RAD21L1: variants seen among roughly 807,000 people sequenced by gnomAD.
The protein encoded by RAD21L1 is double-strand-break repair protein rad21-like protein 1.
In RAD21L1, 47 loss-of-function variants were observed where a neutral mutation model predicts 69.0. That is an observed-to-expected ratio of 0.68 (90% CI 0.54 to 0.87). The LOEUF (loss-of-function observed/expected upper bound fraction) is 0.87. Among genes scored for constraint, RAD21L1 ranks in the 40% least tolerant of loss-of-function variants. RAD21L1 has a pLI of 0.00. For missense variants in RAD21L1, 583 were observed against 647.6 expected (o/e 0.90, Z 1.08); for synonymous variants, 177 against 205.8 (o/e 0.86, Z 1.20).
chr20:1,234,689 T>C (rs1386088007), intron 5 of RAD21L1, among the ~76,000 whole-genome samples: 2 of 152,228 alleles, frequency 1.3e-5, no homozygotes. Flanking sequence ...ATATTGATTG[T>C]GAAACAGAAA....
intron 3 of RAD21L1, 25 bp from the exon 4 acceptor site, chr20:1,231,501 G>T: frequency 8.5e-7 from 1 of 1,171,116 alleles, no homozygotes; most frequent in South Asian, 1.4e-5. Flanking sequence ...GTTGCTTATT[G>T]AGTATGGTTT....
intron 3 of RAD21L1, chr20:1,231,026 T>C (rs1464397935): frequency 6.6e-6 from 1 of 152,364 alleles, no homozygotes; most frequent in Non-Finnish European, 1.5e-5. Flanking sequence ...GAAGTTCACT[T>C]TAGTTAAAAT....
rs754253158 is a variant in RAD21L1 at position 1,255,076 on chromosome 20, A to G, written c.*619A>G. On this transcript the variant is annotated 3_prime_UTR_variant, in exon 14 of 14. Transcript: ENST00000683101. The stretch of plus-strand genomic sequence containing the variant: ...ATCATACTTGATTTGACATAATGCC[A>G]TGGTTTTTAATCCAATATTTTAATT... Among the ~76,000 whole-genome samples the G allele has an allele frequency of 2.2e-4, 33 of 152,228 alleles. No individual in the cohort carries two copies. Among genetic ancestry groups the G allele is most frequent in the African/African-American group, 3.1e-4 (13 of 41,460 alleles).
intron 13 of RAD21L1, among the ~76,000 whole-genome samples, chr20:1,250,956 G>A (rs2087815648): frequency 6.6e-6 from 1 of 151,924 alleles, no homozygotes; most frequent in Admixed American, 6.6e-5. Context: ...TTTTGTCTTG[G>A]GATATTGCTT....
chr20:1,239,281 G>C (rs6109102), intron 6 of RAD21L1, 31 bp from the exon 7 acceptor site: 4 of 1,199,058 alleles, frequency 3.3e-6, no homozygotes, highest in Non-Finnish European at 4.8e-6. Flanking sequence ...ATTCCAGTCT[G>C]TATGAAAAAA....
chr20:1,243,003 A>G, intron 9 of RAD21L1, 94 bp from the exon 10 acceptor site: 8 of 954,548 alleles, frequency 8.4e-6, no homozygotes, highest in Non-Finnish European at 1.2e-5. Context: ...GTGTGTATGA[A>G]TTATAGTTTT....
intron 11 of RAD21L1, 95 bp downstream of exon 11, chr20:1,244,265 A>G: frequency 1.2e-6 from 1 of 835,496 alleles, no homozygotes; most frequent in Middle Eastern, 2.4e-4. Flanking sequence ...ACATTTGTGT[A>G]GTTCATATTT....
chr20:1,239,486 A>G (rs1004659994), intron 7 of RAD21L1, 79 bp downstream of exon 7: 3 of 730,434 alleles, frequency 4.1e-6, no homozygotes, highest in African/African-American at 1.8e-5. Flanking sequence ...TTAAGTAGCA[A>G]TATAGTATAG....
At position 1,242,660 on chromosome 20, in the gene RAD21L1, A is replaced by G. The variant is rs1255006879; in HGVS notation, c.898A>G (p.Ile300Val). The G allele has an allele frequency of 5.8e-6, 9 of 1,551,528 alleles. No individual in the cohort carries two copies. Among genetic ancestry groups the G allele is most frequent in the Non-Finnish European group, 7.0e-6 (8 of 1,146,794 alleles). The change falls in exon 9 of 14, where the codon ATA becomes GTA. Residue 300 changes from isoleucine to valine, a missense_variant. Ile to Val is a conservative substitution (Grantham distance 29, BLOSUM62 3). Coordinates refer to ENST00000683101, the MANE Select transcript of RAD21L1 (RefSeq NM_001384355.1). ...GAAAGGCAAAAAGAGGAGATTGCTCATAGATCCTATCAAGGAGCTCAGTAG... is the reference window on the plus strand; with the variant it reads ...GAAAGGCAAAAAGAGGAGATTGCTCGTAGATCCTATCAAGGAGCTCAGTAG... Reference protein sequence around the residue: ...KRKGKKRRLLIDPIKELSSKV... With the variant: ...KRKGKKRRLLVDPIKELSSKV...
At chr20:1,232,134 G>T (rs1001915709) in intron 4 of RAD21L1, among the ~76,000 whole-genome samples, 2 of 152,192 alleles carry the variant, frequency 1.3e-5, no homozygotes, top group African/African-American at 4.8e-5. Flanking sequence ...TCTAGGAAGA[G>T]CAAGTAGAAA....
At chr20:1,242,090 C>G (rs2087618785) in intron 8 of RAD21L1, among the ~76,000 whole-genome samples, 1 of 152,208 alleles carries the variant, frequency 6.6e-6, no homozygotes, top group Non-Finnish European at 1.5e-5. Context: ...TCCTCAGTTG[C>G]TCACTTAACA....
At chr20:1,226,472 G>A (rs867830861) in intron 1 of RAD21L1, 33 of 152,802 alleles carry the variant, frequency 2.2e-4, no homozygotes, top group Middle Eastern at 3.3e-3. Flanking sequence ...CCTGAGCGTG[G>A]CCGTCAGCTC....
chr20:1,244,128 G>A lies in RAD21L1; in HGVS notation c.1266G>A (p.Gln422=), dbSNP rs986837835. 6.5e-6 allele frequency: 10 copies of A among 1,549,084 alleles called. No homozygotes were observed. In the African/African-American group the frequency reaches 8.2e-5, roughly 13 times the overall value. Reference sequence around the variant, plus strand: ...GGAAGGATGTGATTGGTGGATCTCAGCATAGCTCTCATGAGGATACCAATA... The same window carrying A: ...GGAAGGATGTGATTGGTGGATCTCAACATAGCTCTCATGAGGATACCAATA... The part of the protein sequence containing the change: ...QTWKDVIGGS[Q]HSSHEDTNKN... Residue 422 remains glutamine, a synonymous_variant, in exon 11 of 14, where the codon CAG becomes CAA. Transcript: ENST00000683101.
chr20:1,241,952 T>C (rs968796684), intron 8 of RAD21L1, among the ~76,000 whole-genome samples: 1 of 152,198 alleles, frequency 6.6e-6, no homozygotes, highest in Non-Finnish European at 1.5e-5. Context: ...GCTTGGAATG[T>C]CTATGAATTT....
intron 13 of RAD21L1, among the ~76,000 whole-genome samples, chr20:1,250,476 T>C (rs73604150): frequency 6.6e-6 from 1 of 150,656 alleles, no homozygotes; most frequent in African/African-American, 2.5e-5. Context: ...TTTGTCCTTG[T>C]GATAGTTTGC....
chr20:1,228,392 A>G, intron 1 of RAD21L1, 30 bp from the exon 2 acceptor site: 5 of 1,255,950 alleles, frequency 4.0e-6, no homozygotes, highest in Non-Finnish European at 5.2e-6. Flanking sequence ...TTGTAATAAA[A>G]TTTTAAATTT....
intron 4 of RAD21L1, among the ~76,000 whole-genome samples, chr20:1,233,686 G>A (rs1434513272): frequency 1.3e-5 from 2 of 152,034 alleles, no homozygotes; most frequent in East Asian, 1.9e-4. Flanking sequence ...GCTTCCTGGG[G>A]CCTCTTTTAT....
At chr20:1,250,474 T>G (rs761258565) in intron 13 of RAD21L1, among the ~76,000 whole-genome samples, 8 of 151,152 alleles carry the variant, frequency 5.3e-5, no homozygotes, top group Admixed American at 3.9e-4. Flanking sequence ...TTTTTGTCCT[T>G]GTGATAGTTT....
intron 5 of RAD21L1, 50 bp downstream of exon 5, chr20:1,234,241 G>A (rs1211624226): frequency 6.0e-6 from 5 of 835,694 alleles, no homozygotes; most frequent in Admixed American, 4.3e-5. Flanking sequence ...AATTATATTT[G>A]TATTTGTGTA....
Sources: allele counts gnomAD v4.1 joint callset (sites outside exome capture counted in the v4.1 genomes callset), GRCh38; gene constraint gnomAD v4.1.1; transcripts MANE v1.5; gene names NCBI Gene and HGNC (gene_info 2026-07-23, HGNC 2026-07-21).